CAMK4: variants seen among roughly 807,000 people sequenced by gnomAD.
CAMK4 encodes calcium/calmodulin dependent protein kinase IV.
CAMK4 carries 22 observed loss-of-function variants against 44.9 expected under a neutral mutation model. The ratio of observed to expected loss-of-function variants is 0.49; its 90% CI spans 0.35 to 0.70. The LOEUF (loss-of-function observed/expected upper bound fraction) is 0.70, where lower values mean the gene tolerates loss of function less well. CAMK4 is among the 30% of genes least tolerant of loss of function. The probability of loss-of-function intolerance (pLI) is 0.01; values close to 1 mark genes in which losing one functional copy is unlikely to be tolerated. For synonymous variants in CAMK4, 218 were observed against 215.4 expected (o/e 1.01, Z -0.11); for missense variants, 498 against 586.8 (o/e 0.85, Z 1.56).
chr5:111,360,059 A>C (rs923837788), intron 2 of CAMK4, among the ~76,000 whole-genome samples: 1 of 152,076 alleles, frequency 6.6e-6, no homozygotes, highest in Non-Finnish European at 1.5e-5. Flanking sequence ...TCTGCAAAAA[A>C]ATGTATCAGT....
Position 111,488,498 on chromosome 5 carries a change from G to A in CAMK4, c.*4032G>A, listed in dbSNP as rs996814713. On this transcript the variant is annotated 3_prime_UTR_variant, in exon 11 of 11. Coordinates refer to ENST00000282356, the MANE Select transcript of CAMK4 (RefSeq NM_001744.6). ...TTTCATAGTATTTTAAACATATTTT[G>A]TAATTCAGAATGTTTAGCAATCCCT... is the stretch of plus-strand genomic sequence containing the variant. 1 of 152,150 alleles carries A rather than the reference G, an allele frequency of 6.6e-6. No individual in the cohort carries two copies. The highest frequency in any genetic ancestry group is 2.4e-5 in the African/African-American group (1 of 41,426). The allele number at this position is 152,150 out of a possible 1,614,324, so 9.4% of individuals were successfully genotyped here. A position where few individuals can be genotyped will look rare whatever the true frequency, so the allele number is the denominator to read the frequency against.
intron 5 of CAMK4, among the ~76,000 whole-genome samples, chr5:111,442,367 C>T (rs955023900): frequency 6.6e-6 from 1 of 151,916 alleles, no homozygotes; most frequent in East Asian, 1.9e-4. Flanking sequence ...CATGGTGGCG[C>T]GTGCCTGTTG....
chr5:111,440,153 C>G (rs1171683460), intron 5 of CAMK4, among the ~76,000 whole-genome samples: 2 of 151,968 alleles, frequency 1.3e-5, no homozygotes, highest in African/African-American at 2.4e-5. Flanking sequence ...CTAGAGCATA[C>G]TAATGTGATG....
intron 1 of CAMK4, among the ~76,000 whole-genome samples, chr5:111,318,278 A>G (rs1021871129): frequency 2.6e-5 from 4 of 152,190 alleles, no homozygotes; most frequent in African/African-American, 9.6e-5. Flanking sequence ...GTGGATCACA[A>G]TTCTTTATGA....
At chr5:111,397,649 CTGTGTGTGTGTG>C (rs3066726) in intron 5 of CAMK4, among the ~76,000 whole-genome samples, 2,468 of 88,552 alleles carry the variant, frequency 0.028, 64 homozygotes, top group African/African-American at 0.1. Flanking sequence ...AGTCAGCATG[CTGTGTGTGTGTG>C]TGTGTGTGTG....
chr5:111,421,932 C>T (rs1753047384), intron 5 of CAMK4, among the ~76,000 whole-genome samples: 1 of 152,172 alleles, frequency 6.6e-6, no homozygotes, highest in Non-Finnish European at 1.5e-5. Context: ...CGCTTGCACA[C>T]ACTCTCTTGC....
intron 1 of CAMK4, among the ~76,000 whole-genome samples, chr5:111,340,153 A>G (rs1026045731): frequency 6.6e-6 from 1 of 151,118 alleles, no homozygotes; most frequent in African/African-American, 2.4e-5. Flanking sequence ...GTATATAATC[A>G]TATCACCTGA....
chr5:111,482,686 CTGCTGGGAAATGGAATAAG>C lies in CAMK4; in HGVS notation c.829-98_829-80del. On this transcript the variant is annotated intron_variant, in intron 9 of 10. Transcript: ENST00000282356. This position sits in a 1 kb window ranked among gnomAD's most constrained non-coding sequence, Gnocchi z 4.9. ...TTTTTCTCACATATATTTAGTGGTA[CTGCTGGGAAATGGAATAAG>C]ATCTGGAAGTTTGTAAGCTGAGGGC... 1 of 1,004,344 alleles carries C rather than the reference CTGCTGGGAAATGGAATAAG, an allele frequency of 1.0e-6. No individual in the cohort carries two copies. Among genetic ancestry groups the C allele is most frequent in the Non-Finnish European group, 1.5e-6 (1 of 675,978 alleles). The allele number at this position is 1,004,344 out of a possible 1,614,324, so 62.2% of individuals were successfully genotyped here. A position where few individuals can be genotyped will look rare whatever the true frequency, so the allele number is the denominator to read the frequency against.
In CAMK4 at chr5:111,224,458, G is replaced by GCGGCGT. The variant is rs1748069976; in HGVS notation, c.-22_-21insGTCGGC. On this transcript the variant is annotated 5_prime_UTR_variant, in exon 1 of 11. Coordinates refer to ENST00000282356, the MANE Select transcript of CAMK4 (RefSeq NM_001744.6). This position sits in a 1 kb window ranked among gnomAD's most constrained non-coding sequence, Gnocchi z 5.7. The stretch of plus-strand genomic sequence containing the variant: ...TCGGGCAGCGGCGGCGGCGGCGGCG[G>GCGGCGT]CGGCTTCCGGAGTCCCGCTGCGAAG... 6.4e-7 allele frequency: 1 copy of GCGGCGT among 1,563,998 alleles called. No individual in the cohort carries two copies. Among genetic ancestry groups the GCGGCGT allele is most frequent in the South Asian group, 1.2e-5 (1 of 86,360 alleles).
chr5:111,262,092 C>A (rs1050386914), intron 1 of CAMK4, among the ~76,000 whole-genome samples: 2 of 151,674 alleles, frequency 1.3e-5, no homozygotes, highest in Non-Finnish European at 2.9e-5. Context: ...TGCTGACATA[C>A]CTTCACAGGC....
At chr5:111,392,478 A>G (rs1182528412) in intron 4 of CAMK4, among the ~76,000 whole-genome samples, 1 of 152,140 alleles carries the variant, frequency 6.6e-6, no homozygotes, top group Non-Finnish European at 1.5e-5. Context: ...AAAAAATCCA[A>G]ACCATATCAG....
intron 5 of CAMK4, among the ~76,000 whole-genome samples, chr5:111,423,682 G>A (rs558923679): frequency 6.6e-6 from 1 of 152,298 alleles, no homozygotes; most frequent in South Asian, 2.1e-4. Context: ...GTTACACACT[G>A]ATTCACAACA....
At chr5:111,302,425 T>A (rs1041444261) in intron 1 of CAMK4, 2 of 148,164 alleles carry the variant, frequency 1.3e-5, no homozygotes, top group Non-Finnish European at 2.9e-5. Flanking sequence ...AGGCATTGCC[T>A]CACCTGGGAA....
intron 5 of CAMK4, among the ~76,000 whole-genome samples, chr5:111,401,265 A>T (rs1328521165): frequency 6.6e-6 from 1 of 152,118 alleles, no homozygotes; most frequent in Non-Finnish European, 1.5e-5. Context: ...CAGCCTCCCA[A>T]GTAGCCGGGA....
intron 1 of CAMK4, among the ~76,000 whole-genome samples, chr5:111,328,401 T>A (rs1392477574): frequency 6.6e-6 from 1 of 152,084 alleles, no homozygotes; most frequent in Admixed American, 6.6e-5. Flanking sequence ...CCTTGCTGTT[T>A]TGGTTACTGT....
intron 1 of CAMK4, among the ~76,000 whole-genome samples, chr5:111,321,932 A>G (rs148007826): frequency 2.2e-3 from 331 of 152,268 alleles, no homozygotes; most frequent in Non-Finnish European, 3.7e-3. Flanking sequence ...TAAAGAATAA[A>G]CATATTATTT....
intron 2 of CAMK4, among the ~76,000 whole-genome samples, chr5:111,360,005 A>G (rs551536391): frequency 6.6e-6 from 1 of 152,024 alleles, no homozygotes; most frequent in East Asian, 1.9e-4. Context: ...TATGGAGGGG[A>G]ATGTGGGTGA....
intron 4 of CAMK4, among the ~76,000 whole-genome samples, chr5:111,385,946 C>A (rs1751586176): frequency 6.6e-6 from 1 of 152,100 alleles, no homozygotes; most frequent in Admixed American, 6.6e-5. Flanking sequence ...ATCTTTTAGG[C>A]CCATTCCCAG....
chr5:111,260,188 G>A (rs1201113810), intron 1 of CAMK4, among the ~76,000 whole-genome samples: 1 of 152,060 alleles, frequency 6.6e-6, no homozygotes, highest in Non-Finnish European at 1.5e-5. Context: ...TTGACTGTCT[G>A]GGTCAATCTT....
Sources: gnomAD v4.1 joint callset for allele counts (sites outside exome capture counted in the v4.1 genomes callset) on GRCh38, gnomAD v4.1.1 for gene constraint, Gnocchi (gnomAD v3.1) non-coding constraint, MANE v1.5 for transcripts, NCBI Gene and HGNC (gene_info 2026-07-23, HGNC 2026-07-21) for gene names.